Variants in XKR9 observed in about 807,000 individuals in gnomAD.
XKR9 encodes XK-related protein 9.
Under a neutral mutation model 32.0 loss-of-function variants are expected in XKR9, and 32 were observed. That is an observed-to-expected ratio of 1.00 (90% CI 0.76 to 1.34). The LOEUF is 1.34. Ranked by LOEUF, XKR9 falls within the 40% of genes most tolerant of loss-of-function variation. XKR9 has a pLI of 0.00. For synonymous variants in XKR9, 168 were observed against 143.4 expected, an observed-to-expected ratio of 1.17 and a Z score of -1.22; for missense variants, 546 against 429.7, an observed-to-expected ratio of 1.27 and a Z score of -2.39.
chr8:70,990,733 AAGAGAGAG>A, the XKR9 span, among the ~76,000 whole-genome samples: 8,980 of 143,266 alleles, frequency 0.063, 314 homozygotes, highest in South Asian at 0.14. Context: ...TTGGCAGAAT[AAGAGAGAG>A]AGAGAGAGAG....
the XKR9 span, among the ~76,000 whole-genome samples, chr8:70,927,042 TGTATAAG>T: frequency 1.6e-4 from 24 of 151,822 alleles, no homozygotes; most frequent in African/African-American, 5.6e-4. Context: ...GGTGTATTTA[TGTATAAG>T]ATACATTTTA....
At chr8:70,848,419 C>T in the XKR9 span, among the ~76,000 whole-genome samples, 3 of 151,616 alleles carry the variant, frequency 2.0e-5, no homozygotes, top group African/African-American at 7.3e-5. Context: ...TTTCATTTAA[C>T]ATAATACTGA....
the XKR9 span, among the ~76,000 whole-genome samples, chr8:70,985,544 A>G: frequency 6.6e-6 from 1 of 152,204 alleles, no homozygotes. Context: ...GCTGAAATGG[A>G]CAATCTTTGT....
chr8:70,979,595 C>T, the XKR9 span, among the ~76,000 whole-genome samples: 1 of 152,174 alleles, frequency 6.6e-6, no homozygotes, highest in Non-Finnish European at 1.5e-5. Context: ...TATTGCAGAA[C>T]AGCAAATATT....
intron 2 of XKR9, among the ~76,000 whole-genome samples, chr8:70,786,297 C>G (rs576795077): frequency 1.3e-5 from 2 of 152,132 alleles, no homozygotes; most frequent in South Asian, 4.1e-4. Flanking sequence ...TCCATTTAGT[C>G]TAAAATATTT....
At chr8:71,009,994 T>C in the XKR9 span, among the ~76,000 whole-genome samples, 1 of 152,144 alleles carries the variant, frequency 6.6e-6, no homozygotes, top group Non-Finnish European at 1.5e-5. Context: ...AAGTACGGCA[T>C]CATCTGCTCA....
the XKR9 span, among the ~76,000 whole-genome samples, chr8:70,825,625 T>C: frequency 3.3e-5 from 5 of 152,144 alleles, no homozygotes; most frequent in East Asian, 9.6e-4. Flanking sequence ...CTTGTAGTTA[T>C]TTCATGGGAC....
intron 2 of XKR9, among the ~76,000 whole-genome samples, chr8:70,765,730 T>C (rs1270603930): frequency 6.6e-6 from 1 of 152,256 alleles, no homozygotes. Flanking sequence ...AGGGTTTTTA[T>C]GGCTTTAAGT....
chr8:70,765,320 G>A (rs1807360969), intron 2 of XKR9, among the ~76,000 whole-genome samples: 1 of 152,184 alleles, frequency 6.6e-6, no homozygotes, highest in Non-Finnish European at 1.5e-5. Context: ...TTGTGGTTTT[G>A]ATTTGCATTT....
chr8:70,768,325 G>A (rs1807406112), intron 2 of XKR9, among the ~76,000 whole-genome samples: 1 of 152,184 alleles, frequency 6.6e-6, no homozygotes, highest in African/African-American at 2.4e-5. Context: ...TTGCTGAGAA[G>A]TGTTTTACTT....
At chr8:70,733,572 G>C (rs536522455) in intron 4 of XKR9, among the ~76,000 whole-genome samples, 2 of 152,074 alleles carry the variant, frequency 1.3e-5, no homozygotes, top group South Asian at 4.2e-4. Context: ...TCAAATCTCA[G>C]TTCTGCAACT....
At chr8:70,789,729 A>ATAAATTC (rs3085692) in intron 3 of XKR9, among the ~76,000 whole-genome samples, 60,842 of 151,328 alleles carry the variant, frequency 0.4, 13,698 homozygotes, top group Non-Finnish European at 0.52. Flanking sequence ...TTTTTAGTTA[A>ATAAATTC]TAAAACAGAA....
chr8:70,874,974 A>G, the XKR9 span, among the ~76,000 whole-genome samples: 13 of 152,158 alleles, frequency 8.5e-5, no homozygotes, highest in Non-Finnish European at 2.9e-5. Context: ...CGTCCTTGGA[A>G]CTAGTTTAGT....
chr8:70,845,114 C>A, the XKR9 span, among the ~76,000 whole-genome samples: 1 of 152,206 alleles, frequency 6.6e-6, no homozygotes, highest in Non-Finnish European at 1.5e-5. Flanking sequence ...CCAATAAAAC[C>A]TCACCACAGC....
At chr8:70,964,108 T>C in the XKR9 span, among the ~76,000 whole-genome samples, 1 of 152,238 alleles carries the variant, frequency 6.6e-6, no homozygotes. Context: ...GTTTTACATT[T>C]AAGTCTTCAG....
the XKR9 span, among the ~76,000 whole-genome samples, chr8:70,797,953 T>C: frequency 3.3e-5 from 5 of 152,360 alleles, no homozygotes; most frequent in East Asian, 5.8e-4. Flanking sequence ...CAGTCTATTA[T>C]TGATGAGCAT....
At chr8:70,938,693 G>T in the XKR9 span, among the ~76,000 whole-genome samples, 1 of 152,020 alleles carries the variant, frequency 6.6e-6, no homozygotes. Flanking sequence ...CTAATTTTTC[G>T]CTGGCCGTTT....
At chr8:70,693,747 T>C in intron 3 of XKR9, among the ~76,000 whole-genome samples, 1 of 152,160 alleles carries the variant, frequency 6.6e-6, no homozygotes, top group Non-Finnish European at 1.5e-5. Context: ...TGACAAGCTA[T>C]GTAGGGTATG....
chr8:70,968,078 A>G, the XKR9 span, among the ~76,000 whole-genome samples: 2 of 152,174 alleles, frequency 1.3e-5, no homozygotes, highest in Non-Finnish European at 2.9e-5. Context: ...GCTCCAATCA[A>G]TCGTAAATTT....
Sources: allele counts gnomAD v4.1 joint callset (sites outside exome capture counted in the v4.1 genomes callset), GRCh38; gene constraint gnomAD v4.1.1; transcripts MANE v1.5; gene names NCBI Gene and HGNC (gene_info 2026-07-23, HGNC 2026-07-21).